TTC9B: variants seen among roughly 807,000 people sequenced by gnomAD.
TTC9B encodes tetratricopeptide repeat protein 9B.
TTC9B carries 12 observed loss-of-function variants against 19.4 expected under a neutral mutation model. The ratio of observed to expected loss-of-function variants is 0.62; its 90% CI spans 0.40 to 1.00. The LOEUF (loss-of-function observed/expected upper bound fraction) is 1.00, where lower values mean the gene tolerates loss of function less well. TTC9B is among the 50% of genes least tolerant of loss of function. The probability of loss-of-function intolerance (pLI) is 0.00; values close to 1 mark genes in which losing one functional copy is unlikely to be tolerated. For missense variants in TTC9B, 316 were observed against 345.2 expected (o/e 0.92, Z 0.67); for synonymous variants, 156 against 158.6 (o/e 0.98, Z 0.12).
chr19:40,216,358 C>T (rs1259924320), intron 2 of TTC9B, 86 bp from the exon 3 acceptor site: 16 of 994,186 alleles, frequency 1.6e-5, no homozygotes, highest in Non-Finnish European at 2.2e-5. Flanking sequence ...CCCCATTCTC[C>T]GAAGTATCCA....
rs779328417 is a variant in TTC9B at position 40,218,077 on chromosome 19, C to A, written c.305G>T (p.Arg102Leu). Residue 102 changes from arginine to leucine, a missense_variant, in exon 1 of 3, where the codon CGC becomes CTC. Transcript: ENST00000311308. This position sits in a 1 kb window ranked among gnomAD's most constrained non-coding sequence, Gnocchi z 4.2. ...LLQLKAAQGA[R>L]PSGLPAPAPG... ...GGCGGGGGCGGGCAGGCCGCTAGGG[C>A]GGGCCCCCTGCGCCGCCTTCAGCTG... 2.6e-6 allele frequency: 4 copies of A among 1,545,398 alleles called. No homozygotes were observed. Among genetic ancestry groups the A allele is most frequent in the Admixed American group, 4.0e-5 (2 of 50,016 alleles).
At chr19:40,217,925 G>T (rs933185200) in intron 1 of TTC9B, 30 bp downstream of exon 1, 27 of 1,285,230 alleles carry the variant, frequency 2.1e-5, no homozygotes, top group Non-Finnish European at 2.4e-5. Flanking sequence ...CTCCCCTCGT[G>T]CCCCATCCCC....
intron 1 of TTC9B, 141 bp from the exon 2 acceptor site, chr19:40,217,510 C>A: frequency 9.1e-7 from 1 of 1,098,954 alleles, no homozygotes; most frequent in Non-Finnish European, 1.3e-6. Flanking sequence ...AATCCGCTCG[C>A]CTATCGAAAC....
intron 2 of TTC9B, chr19:40,216,696 G>T: frequency 3.4e-6 from 1 of 294,728 alleles, no homozygotes. Context: ...CTGCACTCAT[G>T]TGTGTAAGTG....
At position 40,217,215 on chromosome 19, in the gene TTC9B, C is replaced by T; in HGVS notation, c.582G>A (p.Leu194=). 6.2e-7 allele frequency: 1 copy of T among 1,613,488 alleles called. No homozygotes were observed. Among genetic ancestry groups the T allele is most frequent in the Non-Finnish European group, 8.5e-7 (1 of 1,179,860 alleles). ...LGDYARALRY[L]QEARSREPTD... ...TGGGTTCCCGGCTGCGGGCCTCCTG[C>T]AGGTAGCGCAGCGCGCGTGCGTAGT... Residue 194 remains leucine, a synonymous_variant, in exon 2 of 3, where the codon CTG becomes CTA. Coordinates refer to ENST00000311308, the MANE Select transcript of TTC9B (RefSeq NM_152479.6).
At chr19:40,216,311 G>A (rs888285206) in intron 2 of TTC9B, 39 bp from the exon 3 acceptor site, 6 of 1,547,752 alleles carry the variant, frequency 3.9e-6, no homozygotes, top group African/African-American at 2.7e-5. Context: ...TGGGTGTCCC[G>A]GGGCAGCAGG....
intron 1 of TTC9B, 26 bp downstream of exon 1, chr19:40,217,929 C>CAA: frequency 2.8e-6 from 4 of 1,417,860 alleles, no homozygotes; most frequent in Non-Finnish European, 3.7e-6. Flanking sequence ...CCTCGTGCCC[C>CAA]ATCCCCCCAC....
intron 1 of TTC9B, 162 bp downstream of exon 1, chr19:40,217,783 ACCCCTGTCAT>A: frequency 1.7e-6 from 1 of 598,276 alleles, no homozygotes; most frequent in South Asian, 3.0e-5. Context: ...CCAGCCACAG[ACCCCTGTCAT>A]CCCCTACCCC....
At position 40,216,075 on chromosome 19, in the gene TTC9B, A is replaced by G. The variant is rs1973358042; in HGVS notation, c.*88T>C. The G allele has an allele frequency of 9.3e-7, 1 of 1,080,490 alleles. No individual in the cohort carries two copies. Among genetic ancestry groups the G allele is most frequent in the African/African-American group, 1.5e-5 (1 of 64,804 alleles). The allele number at this position is 1,080,490 out of a possible 1,614,324, so 66.9% of individuals were successfully genotyped here. ...CACACAAGTTATGATCACCAGTGACAAGTGTTTTACCAACAAACACATGAG... is the reference window on the plus strand; with the variant it reads ...CACACAAGTTATGATCACCAGTGACGAGTGTTTTACCAACAAACACATGAG... On this transcript the variant is annotated 3_prime_UTR_variant, in exon 3 of 3. Transcript: ENST00000311308.
chr19:40,217,925 GCCCCATC>G, intron 1 of TTC9B, 23 bp downstream of exon 1: 35 of 1,285,290 alleles, frequency 2.7e-5, no homozygotes, highest in Admixed American at 3.2e-5. Context: ...CTCCCCTCGT[GCCCCATC>G]CCCCCACCCC....
intron 1 of TTC9B, 34 bp downstream of exon 1, chr19:40,217,921 T>G: frequency 2.8e-3 from 1,422 of 513,710 alleles, no homozygotes; most frequent in African/African-American, 3.3e-3. Context: ...CCCCCTCCCC[T>G]CGTGCCCCAT....
chr19:40,217,159 C>A, intron 2 of TTC9B, 28 bp downstream of exon 2: 2 of 1,596,052 alleles, frequency 1.3e-6, no homozygotes, highest in Non-Finnish European at 1.7e-6. Context: ...GGGCCCAGCC[C>A]TCACCTCTGC....
In TTC9B at chr19:40,218,329, G is replaced by T; in HGVS notation, c.53C>A (p.Pro18His). The change falls in exon 1 of 3, where the codon CCT becomes CAT. Residue 18 changes from proline (P) to histidine (H), a missense_variant. Coordinates refer to ENST00000311308, the MANE Select transcript of TTC9B (RefSeq NM_152479.6). The surrounding 1 kb of genome is among the most constrained non-coding windows in gnomAD (Gnocchi z 4.2). ...GAGGGCGGGAGGCGGGCGCGGCGGA[G>T]GCTCCGGGGCAGCGCTGAGCATCAG... ...PVLMLSAAPE[P>H]PPRPPPALSP... 1.5e-6 allele frequency: 2 copies of T among 1,360,996 alleles called. No homozygotes were observed. The highest frequency in any genetic ancestry group is 1.8e-5 in the South Asian group (1 of 56,252). The allele number at this position is 1,360,996 out of a possible 1,614,324, so 84.3% of individuals were successfully genotyped here.
chr19:40,216,160 G>A lies in TTC9B; in HGVS notation c.*3C>T. On this transcript the variant is annotated 3_prime_UTR_variant, in exon 3 of 3. Coordinates refer to ENST00000311308, the MANE Select transcript of TTC9B (RefSeq NM_152479.6). ...GGGATAGAGAGGTCCCCCTGGATTG[G>A]CCTCAGCCAATTACATCCCGAGTCT... 1 of 1,613,402 alleles carries A rather than the reference G, an allele frequency of 6.2e-7. No homozygotes were observed. Among genetic ancestry groups the A allele is most frequent in the African/African-American group, 1.3e-5 (1 of 75,030 alleles).
In TTC9B at chr19:40,216,102, C is replaced by A. The variant is rs1015716874; in HGVS notation, c.*61G>T. ...GTGTTTTACCAACAAACACATGAGT[C>A]GGGGGAAGTTACATGGTGAGGTGGG... On this transcript the variant is annotated 3_prime_UTR_variant, in exon 3 of 3. Coordinates refer to ENST00000311308, the MANE Select transcript of TTC9B (RefSeq NM_152479.6). 1 of 1,330,048 alleles carries A rather than the reference C, an allele frequency of 7.5e-7. No homozygotes were observed. Among genetic ancestry groups the A allele is most frequent in the Non-Finnish European group, 1.1e-6 (1 of 922,464 alleles). The allele number at this position is 1,330,048 out of a possible 1,614,324, so 82.4% of individuals were successfully genotyped here.
At chr19:40,217,856 T>G (rs574523226) in intron 1 of TTC9B, 99 bp downstream of exon 1, 4 of 1,164,092 alleles carry the variant, frequency 3.4e-6, no homozygotes, top group Admixed American at 6.4e-5. Context: ...CCCACAGCCC[T>G]GGACCCTTCA....
chr19:40,217,636 G>A (rs952717679), intron 1 of TTC9B: 1 of 524,988 alleles, frequency 1.9e-6, no homozygotes, highest in South Asian at 3.1e-5. Flanking sequence ...GGCGAGGGCC[G>A]GGACCTCGAG....
Position 40,216,188 on chromosome 19 carries a change from G to T in TTC9B, c.695C>A (p.Ser232Tyr). 1 of 1,614,190 alleles carries T rather than the reference G, an allele frequency of 6.2e-7. No individual in the cohort carries two copies. ...TCAGCCAATTACATCCCGAGTCTGG[G>T]ACCCAGCCCCACTGTCTTCCCGCTG... ...SLQREDSGAG[S>Y]QTRDVIG Residue 232 changes from serine to tyrosine, a missense_variant, in exon 3 of 3, where the codon TCC (serine) becomes TAC (tyrosine). Transcript: ENST00000311308.
Position 40,216,199 on chromosome 19 carries a change from A to T in TTC9B, c.684T>A (p.Ser228Arg), listed in dbSNP as rs757975807. 3 of 1,614,134 alleles carry T rather than the reference A, an allele frequency of 1.9e-6. No individual in the cohort carries two copies. Among genetic ancestry groups the T allele is most frequent in the Non-Finnish European group, 2.5e-6 (3 of 1,180,008 alleles). ...CATCCCGAGTCTGGGACCCAGCCCC[A>T]CTGTCTTCCCGCTGGAGGCTGCAAC... ...MNRCSLQRED[S>R]GAGSQTRDVI... The change falls in exon 3 of 3, where the codon AGT becomes AGA. Residue 228 changes from serine to arginine, a missense_variant. By Grantham distance (110) the Ser-to-Arg change is moderately radical (BLOSUM62 -1). Coordinates refer to ENST00000311308, the MANE Select transcript of TTC9B (RefSeq NM_152479.6).
Sources: allele counts gnomAD v4.1 joint callset, GRCh38; gene constraint gnomAD v4.1.1; non-coding constraint Gnocchi (gnomAD v3.1); transcripts MANE v1.5; gene names NCBI Gene and HGNC (gene_info 2026-07-23, HGNC 2026-07-21).